Variants in HTRA1 observed in about 807,000 individuals in gnomAD.
The protein encoded by HTRA1 is serine protease HTRA1.
A neutral mutation model predicts 49.7 loss-of-function variants in HTRA1; 26 were observed. The ratio of observed to expected loss-of-function variants is 0.52; its 90% CI spans 0.38 to 0.73. The LOEUF is 0.73. Ranked by LOEUF, HTRA1 falls within the 30% of genes least tolerant of loss-of-function variation. HTRA1 has a pLI of 0.00. For synonymous variants in HTRA1, 291 were observed against 286.9 expected (o/e 1.01, Z -0.14); for missense variants, 561 against 667.2 (o/e 0.84, Z 1.75).
chr10:122,511,368 G>A (rs927212763), intron 7 of HTRA1, among the ~76,000 whole-genome samples: 6 of 152,102 alleles, frequency 3.9e-5, no homozygotes, highest in Admixed American at 6.6e-5. Flanking sequence ...GCCGAGCTAG[G>A]GCTGCAAACC....
chr10:122,510,293 G>A (rs760223522), intron 7 of HTRA1, 140 bp downstream of exon 7: 30 of 752,700 alleles, frequency 4.0e-5, no homozygotes, highest in Non-Finnish European at 6.7e-5. Flanking sequence ...GTAGCATCGG[G>A]AAAGAGGACA....
At chr10:122,500,095 G>C (rs969845601) in intron 3 of HTRA1, among the ~76,000 whole-genome samples, 2 of 152,148 alleles carry the variant, frequency 1.3e-5, no homozygotes, top group Admixed American at 6.5e-5. Flanking sequence ...AAGCTTCAGG[G>C]AATGAGATTG....
At chr10:122,463,715 C>G (rs1357472951) in intron 1 of HTRA1, among the ~76,000 whole-genome samples, 1 of 152,208 alleles carries the variant, frequency 6.6e-6, no homozygotes, top group African/African-American at 2.4e-5. Context: ...AAAACTTGCC[C>G]AAGGTCATTC....
Position 122,470,090 on chromosome 10 carries a change from G to A in HTRA1, c.472+7966G>A, listed in dbSNP as rs143458133. ...GTTCTATAAATGTCACTTAGGTCTA[G>A]TGGATTGATAGTGCGGTTCAGGTCA... On this transcript the variant is annotated intron_variant, in intron 1 of 8. Transcript: ENST00000368984. Among the ~76,000 whole-genome samples, 35 of 152,296 alleles carry A rather than the reference G, an allele frequency of 2.3e-4. No individual in the cohort carries two copies. In the East Asian group the frequency reaches 6.8e-3, roughly 29 times the overall value.
rs949979965 is a variant in HTRA1, at chr10:122,487,631, G to T, written c.473-1271G>T. On this transcript the variant is annotated intron_variant, in intron 1 of 8. Transcript: ENST00000368984. This position sits in a 1 kb window ranked among gnomAD's most constrained non-coding sequence, Gnocchi z 4.8. The stretch of plus-strand genomic sequence containing the variant: ...ATGCATCACTGAGCAACAGGGATAC[G>T]TTCTGAGAAATGCGTCGTTAGGCGA... Among the ~76,000 whole-genome samples the T allele has an allele frequency of 3.3e-5, 5 of 152,172 alleles. No homozygotes were observed. Among genetic ancestry groups the T allele is most frequent in the Admixed American group, 6.5e-5 (1 of 15,276 alleles).
intron 3 of HTRA1, among the ~76,000 whole-genome samples, chr10:122,501,642 G>A (rs1023108940): frequency 6.6e-6 from 1 of 152,124 alleles, no homozygotes; most frequent in Non-Finnish European, 1.5e-5. Context: ...GGGGAGCCAC[G>A]TTCCCTCCTC....
At chr10:122,495,543 C>T (rs909219348) in intron 3 of HTRA1, among the ~76,000 whole-genome samples, 3 of 152,116 alleles carry the variant, frequency 2.0e-5, no homozygotes, top group African/African-American at 7.2e-5. Flanking sequence ...GCTTGGGAAA[C>T]GTTTCAGTTC....
In HTRA1 at chr10:122,464,222, C is replaced by T. The variant is rs1189919276; in HGVS notation, c.472+2098C>T. On this transcript the variant is annotated intron_variant, in intron 1 of 8. Transcript: ENST00000368984. The surrounding 1 kb of genome is among the most constrained non-coding windows in gnomAD (Gnocchi z 4.8). ...GCACGGGGTCCTGAGTTGCTGGCAC[C>T]ATGCGAGCCGCCTAATTTATTGCTA... Among the ~76,000 whole-genome samples, 1 of 152,174 alleles carries T rather than the reference C, an allele frequency of 6.6e-6. No individual in the cohort carries two copies. The highest frequency in any genetic ancestry group is 2.4e-5 in the African/African-American group (1 of 41,428).
rs1346667803 is a variant in HTRA1, at chr10:122,464,070, G to A, written c.472+1946G>A. Among the ~76,000 whole-genome samples, 6 of 152,096 alleles carry A rather than the reference G, an allele frequency of 3.9e-5. No homozygotes were observed. Among genetic ancestry groups the A allele is most frequent in the African/African-American group, 9.7e-5 (4 of 41,406 alleles). On this transcript the variant is annotated intron_variant, in intron 1 of 8. Coordinates refer to ENST00000368984, the MANE Select transcript of HTRA1 (RefSeq NM_002775.5). This position sits in a 1 kb window ranked among gnomAD's most constrained non-coding sequence, Gnocchi z 4.8. ...TAGGGCTGACCTAGCAGTGGAGTGC[G>A]GAATGCATCCAGGGTGGAGAGTTTA...
At chr10:122,511,590 G>A (rs542039874) in intron 7 of HTRA1, among the ~76,000 whole-genome samples, 8 of 151,946 alleles carry the variant, frequency 5.3e-5, no homozygotes, top group South Asian at 4.2e-4. Context: ...AAAATTAGCC[G>A]GGCTTGGTGG....
In HTRA1 at chr10:122,461,834, C is replaced by T; in HGVS notation, c.182C>T (p.Ala61Val). ...TGCGAGGGCGGCCGGGCCCGGGACG[C>T]GTGCGGCTGCTGCGAGGTGTGCGGC... ...EHCEGGRARD[A>V]CGCCEVCGAP... The change falls in exon 1 of 9, where the codon GCG becomes GTG. Residue 61 changes from alanine (A) to valine (V), a missense_variant. By Grantham distance (64) the Ala-to-Val change is moderately conservative (BLOSUM62 0). Transcript: ENST00000368984. 2.7e-6 allele frequency: 3 copies of T among 1,130,910 alleles called. No individual in the cohort carries two copies. Among genetic ancestry groups the T allele is most frequent in the Non-Finnish European group, 3.2e-6 (3 of 926,138 alleles). The allele number at this position is 1,130,910 out of a possible 1,614,324, so 70.1% of individuals were successfully genotyped here.
At chr10:122,477,092 C>T (rs535396913) in intron 1 of HTRA1, among the ~76,000 whole-genome samples, 8 of 151,926 alleles carry the variant, frequency 5.3e-5, no homozygotes, top group South Asian at 2.1e-4. Flanking sequence ...CTCAGCCTCC[C>T]GAGTAGCTGG....
In HTRA1 at chr10:122,514,416, A is replaced by T. The variant is rs965903676; in HGVS notation, c.*57A>T. 8 of 1,557,550 alleles carry T rather than the reference A, an allele frequency of 5.1e-6. No homozygotes were observed. The African/African-American group carries it at 9.5e-5, about 18-fold the overall frequency. ...TCAAAGACTCTCCCGTGGATGACGG[A>T]TGAGGACTCTGGGCTGCTGGAATAG... is the stretch of plus-strand genomic sequence containing the variant. On this transcript the variant is annotated 3_prime_UTR_variant, in exon 9 of 9. Coordinates refer to ENST00000368984, the MANE Select transcript of HTRA1 (RefSeq NM_002775.5).
At chr10:122,513,628 C>CAA (rs10605017) in intron 8 of HTRA1, among the ~76,000 whole-genome samples, 47 of 65,982 alleles carry the variant, frequency 7.1e-4, no homozygotes, top group African/African-American at 2.1e-3. Flanking sequence ...GACCCCATCT[C>CAA]AAAAAAAAAA....
At position 122,506,936 on chromosome 10, in the gene HTRA1, G is replaced by C. The variant is rs761782668; in HGVS notation, c.972+51G>C. The stretch of plus-strand genomic sequence containing the variant: ...GGGATTGGGGCAGAGTTTTGCCAGG[G>C]GGAGAGGAGTCAGCATAGGTCTTAG... On this transcript the variant is annotated intron_variant, in intron 4 of 8. Coordinates refer to ENST00000368984, the MANE Select transcript of HTRA1 (RefSeq NM_002775.5). This position sits in a 1 kb window ranked among gnomAD's most constrained non-coding sequence, Gnocchi z 5.2. 5.3e-6 allele frequency: 8 copies of C among 1,523,130 alleles called. No homozygotes were observed. Among genetic ancestry groups the C allele is most frequent in the Non-Finnish European group, 7.3e-6 (8 of 1,102,548 alleles). 94.4% of individuals were successfully genotyped at this position (1,523,130 alleles called of 1,614,324 possible). A position where few individuals can be genotyped will look rare whatever the true frequency, so the allele number is the denominator to read the frequency against.
At chr10:122,511,093 C>T (rs1046880602) in intron 7 of HTRA1, among the ~76,000 whole-genome samples, 1 of 152,168 alleles carries the variant, frequency 6.6e-6, no homozygotes, top group African/African-American at 2.4e-5. Flanking sequence ...GCCTCAGTTT[C>T]CTCCTCTTCA....
At chr10:122,481,383 G>A (rs2097490913) in intron 1 of HTRA1, among the ~76,000 whole-genome samples, 1 of 152,190 alleles carries the variant, frequency 6.6e-6, no homozygotes, top group Non-Finnish European at 1.5e-5. Context: ...CAGCCACCCT[G>A]ATGGGATAGA....
In HTRA1 at chr10:122,508,594, T is replaced by A. The variant is rs1020489577; in HGVS notation, c.1006-62T>A. 8 of 1,042,684 alleles carry A rather than the reference T, an allele frequency of 7.7e-6. No homozygotes were observed. The Admixed American group carries it at 1.3e-4, about 18-fold the overall frequency. 64.6% of individuals were successfully genotyped at this position (1,042,684 alleles called of 1,614,324 possible). On this transcript the variant is annotated intron_variant, in intron 5 of 8. Transcript: ENST00000368984. ...GGACTTCTTTCAGGCATATTCTCTC[T>A]GGGTGTGTACCTGCCGGTAAAGCTT...
chr10:122,509,255 G>A (rs2097504505), intron 6 of HTRA1, among the ~76,000 whole-genome samples: 1 of 152,198 alleles, frequency 6.6e-6, no homozygotes, highest in Non-Finnish European at 1.5e-5. Context: ...TCTGTTGGGG[G>A]ATGGGAAGGC....
Sources: gnomAD v4.1 joint callset for allele counts (sites outside exome capture counted in the v4.1 genomes callset) on GRCh38, gnomAD v4.1.1 for gene constraint, Gnocchi (gnomAD v3.1) non-coding constraint, MANE v1.5 for transcripts, NCBI Gene and HGNC (gene_info 2026-07-23, HGNC 2026-07-21) for gene names.